Variants in MIPOL1 observed in about 807,000 individuals in gnomAD.
MIPOL1 encodes mirror-image polydactyly gene 1 protein.
In MIPOL1, 57 loss-of-function variants were observed where a neutral mutation model predicts 60.9. The observed-to-expected ratio is 0.94, with a 90% CI of 0.76 to 1.17. MIPOL1 has a LOEUF of 1.17. MIPOL1 is among the 50% of genes most tolerant of loss of function. The probability of loss-of-function intolerance (pLI) is 0.00; values close to 1 mark genes in which losing one functional copy is unlikely to be tolerated. For synonymous variants in MIPOL1, 179 were observed against 168.8 expected (o/e 1.06, Z -0.47); for missense variants, 551 against 511.6 (o/e 1.08, Z -0.74).
chr14:37,388,626 A>AT (rs1018198066), intron 10 of MIPOL1, among the ~76,000 whole-genome samples: 13 of 151,610 alleles, frequency 8.6e-5, no homozygotes, highest in Non-Finnish European at 1.6e-4. Context: ...CCACCAAAAT[A>AT]TTTTTTTTGT....
At chr14:37,337,757 G>A (rs560257144) in intron 9 of MIPOL1, among the ~76,000 whole-genome samples, 1 of 152,022 alleles carries the variant, frequency 6.6e-6, no homozygotes, top group South Asian at 2.1e-4. Flanking sequence ...AGTTGTAAGA[G>A]TTCTTTATAT....
intron 7 of MIPOL1, among the ~76,000 whole-genome samples, chr14:37,296,649 A>G (rs1165567619): frequency 1.3e-5 from 2 of 152,194 alleles, no homozygotes; most frequent in Non-Finnish European, 2.9e-5. Flanking sequence ...CAGAAATACA[A>G]ACTACCATCA....
intron 1 of MIPOL1, chr14:37,227,808 G>A (rs1195793582): frequency 6.6e-6 from 1 of 152,164 alleles, no homozygotes; most frequent in African/African-American, 2.4e-5. Flanking sequence ...GAGAAGAGAA[G>A]GCTAAAGGAG....
intron 9 of MIPOL1, among the ~76,000 whole-genome samples, chr14:37,367,793 A>G (rs1374995834): frequency 6.6e-6 from 1 of 152,050 alleles, no homozygotes; most frequent in Non-Finnish European, 1.5e-5. Flanking sequence ...AATTTAGTAG[A>G]GAATATCTCT....
At chr14:37,227,174 C>A (rs1969886232) in intron 1 of MIPOL1, among the ~76,000 whole-genome samples, 1 of 152,020 alleles carries the variant, frequency 6.6e-6, no homozygotes, top group Admixed American at 6.6e-5. Flanking sequence ...TTTCACTGGG[C>A]TAAAATGAAA....
chr14:37,285,948 T>C (rs2084528135), intron 7 of MIPOL1, among the ~76,000 whole-genome samples: 1 of 152,178 alleles, frequency 6.6e-6, no homozygotes, highest in Non-Finnish European at 1.5e-5. Context: ...GGAATAGCAG[T>C]CAGTTTAAAA....
At chr14:37,488,779 G>T (rs2094994650) in intron 11 of MIPOL1, among the ~76,000 whole-genome samples, 1 of 152,068 alleles carries the variant, frequency 6.6e-6, no homozygotes, top group Non-Finnish European at 1.5e-5. Context: ...ACTCTCTTCT[G>T]GCTTGTAGGT....
intron 7 of MIPOL1, among the ~76,000 whole-genome samples, chr14:37,291,386 TTGG>T (rs2085041126): frequency 6.6e-6 from 1 of 152,250 alleles, no homozygotes; most frequent in African/African-American, 2.4e-5. Context: ...TTCCTTTATG[TTGG>T]TAATACCAAT....
At chr14:37,518,336 T>A (rs969055546) in intron 12 of MIPOL1, among the ~76,000 whole-genome samples, 6 of 152,116 alleles carry the variant, frequency 3.9e-5, no homozygotes, top group Non-Finnish European at 8.8e-5. Context: ...TCAAAGTAAA[T>A]CTCATGATTT....
At chr14:37,347,029 A>G (rs1173328948) in intron 9 of MIPOL1, among the ~76,000 whole-genome samples, 1 of 152,168 alleles carries the variant, frequency 6.6e-6, no homozygotes, top group East Asian at 1.9e-4. Context: ...GATTAATAAA[A>G]CTTTAGGTCG....
chr14:37,260,674 G>A (rs1458442543), intron 3 of MIPOL1, among the ~76,000 whole-genome samples: 1 of 152,106 alleles, frequency 6.6e-6, no homozygotes, highest in Non-Finnish European at 1.5e-5. Context: ...TATTAATTAT[G>A]TAGACCAATG....
chr14:37,319,610 AAAAACAAGG>A (rs2088327445), intron 9 of MIPOL1, among the ~76,000 whole-genome samples: 1 of 152,268 alleles, frequency 6.6e-6, no homozygotes, highest in Admixed American at 6.5e-5. Flanking sequence ...TCTAAACAAG[AAAAACAAGG>A]AGAGGAATAG....
chr14:37,314,394 A>C (rs184231613), intron 9 of MIPOL1, among the ~76,000 whole-genome samples: 14 of 152,322 alleles, frequency 9.2e-5, no homozygotes, highest in African/African-American at 3.4e-4. Context: ...GAGTAAACTA[A>C]GTGAGAGGAA....
intron 11 of MIPOL1, among the ~76,000 whole-genome samples, chr14:37,496,266 C>G (rs1459916102): frequency 1.7e-4 from 22 of 128,132 alleles, no homozygotes; most frequent in African/African-American, 5.4e-4. Flanking sequence ...TCTCTCACCA[C>G]TCCTATTCAA....
chr14:37,240,527 A>G (rs1972182952), intron 1 of MIPOL1: 1 of 152,212 alleles, frequency 6.6e-6, no homozygotes, highest in Admixed American at 6.5e-5. Context: ...ACCCACAAGG[A>G]TCTTAAGAAA....
chr14:37,429,321 A>G (rs912077086), intron 11 of MIPOL1, among the ~76,000 whole-genome samples: 3 of 152,178 alleles, frequency 2.0e-5, no homozygotes, highest in Admixed American at 2.0e-4. Flanking sequence ...TTAGACAAGA[A>G]TTAGACCTTG....
At chr14:37,523,570 G>A in intron 12 of MIPOL1, 1 of 411,458 alleles carries the variant, frequency 2.4e-6, no homozygotes, top group South Asian at 8.1e-5. Flanking sequence ...TTCAAAACAG[G>A]TCATGATTTA....
At chr14:37,220,161 G>A (rs1567036419) in intron 1 of MIPOL1, among the ~76,000 whole-genome samples, 1 of 152,076 alleles carries the variant, frequency 6.6e-6, no homozygotes. Flanking sequence ...GAGGATATAA[G>A]TGTTCGTCAC....
chr14:37,436,761 C>T (rs1313846976), intron 11 of MIPOL1, among the ~76,000 whole-genome samples: 1 of 152,136 alleles, frequency 6.6e-6, no homozygotes, highest in Admixed American at 6.5e-5. Flanking sequence ...TGCCATGAGG[C>T]CCTTCCACCT....
Sources: gnomAD v4.1 joint callset for allele counts (sites outside exome capture counted in the v4.1 genomes callset) on GRCh38, gnomAD v4.1.1 for gene constraint, MANE v1.5 for transcripts, NCBI Gene and HGNC (gene_info 2026-07-23, HGNC 2026-07-21) for gene names.